The following PER2 variants were observed in gnomAD, a reference collection of about 807,000 sequenced individuals.
The protein encoded by PER2 is period circadian protein homolog 2.
Under a neutral mutation model 121.0 loss-of-function variants are expected in PER2, and 66 were observed. That is an observed-to-expected ratio of 0.55 (90% CI 0.45 to 0.67). The LOEUF is 0.67. PER2 is among the 30% of genes least tolerant of loss of function. The pLI is 0.00. For missense variants in PER2, 1,521 were observed against 1,635.0 expected (o/e 0.93, Z 1.20); for synonymous variants, 684 against 659.9 (o/e 1.04, Z -0.56).
Position 238,253,310 on chromosome 2 carries a change from C to A in PER2, c.2713G>T (p.Ala905Ser). The A allele has an allele frequency of 6.2e-7, 1 of 1,613,630 alleles. No individual in the cohort carries two copies. The highest frequency in any genetic ancestry group is 8.5e-7 in the Non-Finnish European group (1 of 1,179,786). ...PFPAPLAPVMAFMLPSYSFPS... is the reference protein window; with the variant it reads ...PFPAPLAPVMSFMLPSYSFPS... ...AAGGAATAACTGGGTAGCATGAATG[C>A]CATGACAGGCGCCAAAGGGGCAGGG... Residue 905 changes from alanine (A) to serine (S), a missense_variant, in exon 19 of 23, where the codon GCA becomes TCA. Ala to Ser is a moderately conservative substitution (Grantham distance 99). Coordinates refer to ENST00000254657, the MANE Select transcript of PER2 (RefSeq NM_022817.3). The surrounding 1 kb of genome is among the most constrained non-coding windows in gnomAD (Gnocchi z 5.6).
At chr2:238,264,587 C>G (rs1390370955) in intron 9 of PER2, among the ~76,000 whole-genome samples, 1 of 152,214 alleles carries the variant, frequency 6.6e-6, no homozygotes, top group Non-Finnish European at 1.5e-5. Flanking sequence ...CTTCTGAGGT[C>G]ACTTTTCGGT....
In PER2 at chr2:238,258,311, C is replaced by T. The variant is rs751641234; in HGVS notation, c.1865G>A (p.Arg622Gln). The change falls in exon 16 of 23, where the codon CGG becomes CAG. Residue 622 changes from arginine (R) to glutamine (Q), a missense_variant. By Grantham distance (43) the Arg-to-Gln change is conservative. Coordinates refer to ENST00000254657, the MANE Select transcript of PER2 (RefSeq NM_022817.3). The part of the protein sequence containing the change: ...NVPALRSSDK[R>Q]KATVSPGPHA... ...TGGCCCTGGGCTGACTGTGGCCTTC[C>T]GCTTATCACTGGACCTTAGCGCTGG... 31 of 1,614,206 alleles carry T rather than the reference C, an allele frequency of 1.9e-5. No individual in the cohort carries two copies. The South Asian group carries it at 2.6e-4, about 14-fold the overall frequency.
rs1695656078 is a variant in PER2, at chr2:238,253,136, G to A, written c.2887C>T (p.Pro963Ser). Residue 963 changes from proline to serine, a missense_variant, in exon 19 of 23, where the codon CCA becomes TCA. By Grantham distance (74) the Pro-to-Ser change is moderately conservative (BLOSUM62 -1). Transcript: ENST00000254657. The surrounding 1 kb of genome is among the most constrained non-coding windows in gnomAD (Gnocchi z 5.6). ...TSIPRQPCAC[P>S]ATRATPPSAM... ...GATGGTGGGGTGGCCCGGGTGGCTGGACAAGCACATGGCTGTCTGGGGATC... is the reference window on the plus strand; with the variant it reads ...GATGGTGGGGTGGCCCGGGTGGCTGAACAAGCACATGGCTGTCTGGGGATC... 1 of 1,602,940 alleles carries A rather than the reference G, an allele frequency of 6.2e-7. No homozygotes were observed. The highest frequency in any genetic ancestry group is 8.5e-7 in the Non-Finnish European group (1 of 1,171,894).
intron 10 of PER2, 21 bp from the exon 11 acceptor site, chr2:238,262,365 A>T: frequency 6.2e-7 from 1 of 1,613,584 alleles, no homozygotes; most frequent in Non-Finnish European, 8.5e-7. Flanking sequence ...AAAAGCCAGC[A>T]TTCAGGGGAA....
intron 4 of PER2, among the ~76,000 whole-genome samples, chr2:238,275,020 C>A (rs1211406240): frequency 3.9e-5 from 6 of 152,218 alleles, no homozygotes; most frequent in African/African-American, 1.4e-4. Flanking sequence ...ATGAAGACTG[C>A]TTCAAATACG....
At chr2:238,278,078 T>TTCTCTCTG (rs55870019) in intron 1 of PER2, 123 bp from the exon 2 acceptor site, 249,957 of 933,238 alleles carry the variant, frequency 0.27, 36,855 homozygotes, top group African/African-American at 0.68. Context: ...TCTTTCTTTC[T>TTCTCTCTG]TCTCTCTGTC....
intron 22 of PER2, 79 bp from the exon 23 acceptor site, chr2:238,246,603 G>A (rs140600291): frequency 2.8e-5 from 29 of 1,039,932 alleles, no homozygotes; most frequent in African/African-American, 7.8e-5. Context: ...TTGGCCGGGC[G>A]CGGTGGCTCA....
At chr2:238,269,906 G>C (rs901483530) in intron 6 of PER2, among the ~76,000 whole-genome samples, 1 of 152,280 alleles carries the variant, frequency 6.6e-6, no homozygotes, top group Non-Finnish European at 1.5e-5. Flanking sequence ...CCCTGAGTAA[G>C]AGCAGGTACT....
the PER2 span, among the ~76,000 whole-genome samples, chr2:238,295,120 T>G: frequency 6.6e-6 from 1 of 152,112 alleles, no homozygotes; most frequent in Non-Finnish European, 1.5e-5. Flanking sequence ...GGTGTCTGTT[T>G]TCTCCTGCTG....
At chr2:238,293,450 AAACTTTCTGGTCATT>A (rs1324093813), upstream of PER2, among the ~76,000 whole-genome samples, 2 of 152,192 alleles carry the variant, frequency 1.3e-5, no homozygotes, top group Admixed American at 6.5e-5. Flanking sequence ...TTAAAACCTC[AAACTTTCTGGTCATT>A]AAGGCCATTA....
intron 6 of PER2, 66 bp downstream of exon 6, chr2:238,271,246 T>G (rs1574854229): frequency 2.1e-6 from 3 of 1,418,804 alleles, no homozygotes; most frequent in Non-Finnish European, 3.0e-6. Flanking sequence ...CACATCTGGG[T>G]TGGGCCCAGC....
intron 22 of PER2, among the ~76,000 whole-genome samples, chr2:238,248,449 A>T (rs1465455121): frequency 2.0e-5 from 3 of 152,144 alleles, no homozygotes; most frequent in Non-Finnish European, 4.4e-5. Context: ...AATGTTCTCC[A>T]GGGACACTGA....
upstream of PER2, among the ~76,000 whole-genome samples, chr2:238,288,938 A>C (rs887642659): frequency 6.6e-6 from 1 of 152,172 alleles, no homozygotes. Flanking sequence ...TTTTTACATA[A>C]GACGCACATG....
chr2:238,281,717 G>T (rs1051546091), intron 1 of PER2, among the ~76,000 whole-genome samples: 4 of 152,202 alleles, frequency 2.6e-5, no homozygotes, highest in Non-Finnish European at 4.4e-5. Context: ...AAATTAACAG[G>T]ACTGATCACA....
intron 1 of PER2, among the ~76,000 whole-genome samples, chr2:238,280,090 C>T (rs758153477): frequency 1.3e-5 from 2 of 152,176 alleles, no homozygotes; most frequent in Non-Finnish European, 2.9e-5. Context: ...CCACTGAACA[C>T]CCCCAGGTGC....
chr2:238,252,031 G>A lies in PER2; in HGVS notation c.3112-270C>T, dbSNP rs142789211. Among the ~76,000 whole-genome samples, 3 of 152,186 alleles carry A rather than the reference G, an allele frequency of 2.0e-5. No individual in the cohort carries two copies. The highest frequency in any genetic ancestry group is 1.3e-4 in the Admixed American group (2 of 15,286). On this transcript the variant is annotated intron_variant, in intron 19 of 22. Transcript: ENST00000254657. This position sits in a 1 kb window ranked among gnomAD's most constrained non-coding sequence, Gnocchi z 4.2. ...GAAGACGGCAATACCTGGGCTCCAG[G>A]GGGGAAAGCCTCAGGCTGCTCCTTG...
In PER2 at chr2:238,278,008, G is replaced by A. The variant is rs1696511155; in HGVS notation, c.-19-53C>T. 8.9e-6 allele frequency: 14 copies of A among 1,572,430 alleles called. No homozygotes were observed. The South Asian group carries it at 9.2e-5, about 10-fold the overall frequency. ...ATTAACAAGCACACGCACAAGGGGC[G>A]CTGCAGCCATCAGGTAGAGCACCCA... is the stretch of plus-strand genomic sequence containing the variant. On this transcript the variant is annotated intron_variant, in intron 1 of 22. Transcript: ENST00000254657.
Position 238,255,842 on chromosome 2 carries a change from C to T in PER2, c.2135G>A (p.Gly712Asp), listed in dbSNP as rs763105102. 7.4e-6 allele frequency: 12 copies of T among 1,614,226 alleles called. No homozygotes were observed. The South Asian group carries it at 7.7e-5, about 10-fold the overall frequency. Residue 712 changes from glycine to aspartate, a missense_variant, in exon 18 of 23, where the codon GGT becomes GAT. Transcript: ENST00000254657. ...DCLAGPALAC[G>D]LSQEKEPFKK... Reference sequence around the variant, plus strand: ...GAAGGGCTCCTTCTCTTGGCTGAGACCACAGGCCAGGGCAGGGCCCGCCAG... The same window carrying T: ...GAAGGGCTCCTTCTCTTGGCTGAGATCACAGGCCAGGGCAGGGCCCGCCAG...
intron 16 of PER2, 150 bp from the exon 17 acceptor site, chr2:238,257,236 T>A: frequency 1.6e-6 from 1 of 643,084 alleles, no homozygotes; most frequent in Non-Finnish European, 2.7e-6. Context: ...GGCCCAGGCA[T>A]GGGGTGATTT....
Sources: allele counts gnomAD v4.1 joint callset (sites outside exome capture counted in the v4.1 genomes callset), GRCh38; gene constraint gnomAD v4.1.1; non-coding constraint Gnocchi (gnomAD v3.1); transcripts MANE v1.5; gene names NCBI Gene and HGNC (gene_info 2026-07-23, HGNC 2026-07-21).